CSTL1: variants seen among roughly 807,000 people sequenced by gnomAD.
CSTL1 encodes cystatin-like 1.
In CSTL1, 14 loss-of-function variants were observed where a neutral mutation model predicts 14.4. The ratio of observed to expected loss-of-function variants is 0.97; its 90% confidence interval spans 0.64 to 1.52. The LOEUF is 1.52. Among genes scored for constraint, CSTL1 ranks in the 40% most tolerant of loss-of-function variants. The pLI, the probability that CSTL1 is intolerant of heterozygous loss-of-function variation, is 0.00. For missense variants in CSTL1, 170 were observed against 168.7 expected (o/e 1.01, Z -0.04); for synonymous variants, 72 against 67.5 (o/e 1.07, Z -0.33).
At chr20:23,458,623 G>T in the CSTL1 span, 1 of 152,222 alleles carries the variant, frequency 6.6e-6, no homozygotes, top group Admixed American at 6.5e-5. Context: ...AATCAGGAGG[G>T]TGCCAGTCTC....
At chr20:23,445,918 C>T (rs1029021852), downstream of CSTL1, among the ~76,000 whole-genome samples, 4 of 152,120 alleles carry the variant, frequency 2.6e-5, no homozygotes, top group Admixed American at 6.5e-5. Context: ...CAGGAGCTTC[C>T]AGAGTTCTCT....
At chr20:23,457,643 T>A in the CSTL1 span, 3 of 152,130 alleles carry the variant, frequency 2.0e-5, no homozygotes, top group South Asian at 6.2e-4. Context: ...CTGTAACTGT[T>A]TGTGATCAAT....
At chr20:23,450,494 A>G in the CSTL1 span, 1 of 1,582,960 alleles carries the variant, frequency 6.3e-7, no homozygotes, top group Non-Finnish European at 8.6e-7. Context: ...GCAGTTGTAC[A>G]CTCCAGGACA....
the CSTL1 span, chr20:23,457,658 T>C: frequency 6.6e-6 from 1 of 152,148 alleles, no homozygotes; most frequent in Non-Finnish European, 1.5e-5. Context: ...ATCAATAAGT[T>C]GTAAATACCA....
At chr20:23,456,648 C>G in the CSTL1 span, among the ~76,000 whole-genome samples, 1 of 152,226 alleles carries the variant, frequency 6.6e-6, no homozygotes. Context: ...TAACTAGTTA[C>G]TAACAACAGT....
At chr20:23,440,626 C>T in intron 2 of CSTL1, 140 bp downstream of exon 2, 1 of 751,964 alleles carries the variant, frequency 1.3e-6, no homozygotes, top group Non-Finnish European at 2.4e-6. Flanking sequence ...TCACTTGTAG[C>T]AGGTACATTG....
chr20:23,449,617 T>C (rs1235020014), downstream of CSTL1, among the ~76,000 whole-genome samples: 1 of 152,128 alleles, frequency 6.6e-6, no homozygotes, highest in East Asian at 1.9e-4. Flanking sequence ...GTAAGCCCGG[T>C]GACATCATCT....
Position 23,440,484 on chromosome 20 carries a change from C to A in CSTL1, c.217C>A (p.Gln73Lys). Residue 73 changes from glutamine (Q) to lysine (K), a missense_variant and splice_region_variant, in exon 2 of 4, where the codon CAG (glutamine) becomes AAG (lysine). Physicochemically the swap from Gln to Lys is moderately conservative, Grantham distance 53. Coordinates refer to ENST00000347397, the MANE Select transcript of CSTL1 (RefSeq NM_138283.1). ...CCAGAGGCTAATTCGAAGTCAGATG[C>A]AGGTTTGTACCTTGCTCTCCCAAGA... Reference protein sequence around the residue: ...RVQRLIRSQMQLTTGVEYIVT... With the variant: ...RVQRLIRSQMKLTTGVEYIVT... 1 of 1,608,706 alleles carries A rather than the reference C, an allele frequency of 6.2e-7. No individual in the cohort carries two copies. The highest frequency in any genetic ancestry group is 8.5e-7 in the Non-Finnish European group (1 of 1,175,066).
Position 23,440,389 on chromosome 20 carries a change from T to C in CSTL1, c.122T>C (p.Met41Thr), listed in dbSNP as rs565594790. The change falls in exon 2 of 4, where the codon ATG becomes ACG. Residue 41 changes from methionine (M) to threonine (T), a missense_variant. Met to Thr is a moderately conservative substitution (Grantham distance 81). Coordinates refer to ENST00000347397, the MANE Select transcript of CSTL1 (RefSeq NM_138283.1). ...FQQKLMSKKN[M>T]NSTLNFFIQS... ...CAGAAGCTCATGAGCAAGAAGAACA[T>C]GAATTCAACACTCAACTTCTTCATT... 6.2e-7 allele frequency: 1 copy of C among 1,614,192 alleles called. No homozygotes were observed. Among genetic ancestry groups the C allele is most frequent in the South Asian group, 1.1e-5 (1 of 91,082 alleles).
At chr20:23,454,396 A>T in the CSTL1 span, among the ~76,000 whole-genome samples, 1 of 151,884 alleles carries the variant, frequency 6.6e-6, no homozygotes, top group African/African-American at 2.4e-5. Context: ...CACAACACAC[A>T]TAGACACACC....
the CSTL1 span, chr20:23,450,484 G>A: frequency 9.6e-5 from 146 of 1,528,504 alleles, no homozygotes; most frequent in African/African-American, 5.7e-4. Flanking sequence ...TGCAGTGGCC[G>A]CAGTTGTACA....
At chr20:23,455,114 G>T in the CSTL1 span, among the ~76,000 whole-genome samples, 1 of 152,194 alleles carries the variant, frequency 6.6e-6, no homozygotes, top group Non-Finnish European at 1.5e-5. Context: ...CAGCTCTGAG[G>T]ATGGGAGAGA....
chr20:23,443,920 C>T lies in CSTL1; in HGVS notation c.220-14C>T, dbSNP rs766652084. On this transcript the variant is annotated splice_polypyrimidine_tract_variant and intron_variant, in intron 2 of 3. Coordinates refer to ENST00000347397, the MANE Select transcript of CSTL1 (RefSeq NM_138283.1). ...CTTGGAGTCCACACTAACAGCACAA[C>T]TGATTCTCGGCAGCTGACGACGGGA... 5 of 1,601,938 alleles carry T rather than the reference C, an allele frequency of 3.1e-6. No individual in the cohort carries two copies. Among genetic ancestry groups the T allele is most frequent in the African/African-American group, 1.3e-5 (1 of 74,546 alleles).
downstream of CSTL1, among the ~76,000 whole-genome samples, chr20:23,449,906 C>A (rs1987039016): frequency 6.6e-6 from 1 of 152,218 alleles, no homozygotes; most frequent in South Asian, 2.1e-4. Flanking sequence ...GTTGCTCGTG[C>A]AAGGGGGCAG....
chr20:23,452,030 T>C, the CSTL1 span: 1 of 701,870 alleles, frequency 1.4e-6, no homozygotes, highest in Non-Finnish European at 2.5e-6. Flanking sequence ...GAGCTGGTCC[T>C]AGGCGGATTA....
the CSTL1 span, among the ~76,000 whole-genome samples, chr20:23,453,744 C>A: frequency 6.6e-6 from 1 of 152,184 alleles, no homozygotes; most frequent in Non-Finnish European, 1.5e-5. Flanking sequence ...CCTGGGCACA[C>A]CCAACGCCTG....
At position 23,444,416 on chromosome 20, in the gene CSTL1, C is replaced by T. The variant is rs6048798; in HGVS notation, c.331-355C>T. On this transcript the variant is annotated intron_variant, in intron 3 of 3. Coordinates refer to ENST00000347397, the MANE Select transcript of CSTL1 (RefSeq NM_138283.1). Reference sequence around the variant, plus strand: ...TATTTTTCCTGGTCCATGAGTGGCACCCCTTGAAAGCTGGCAGATACAAGG... The same window carrying T: ...TATTTTTCCTGGTCCATGAGTGGCATCCCTTGAAAGCTGGCAGATACAAGG... Among the ~76,000 whole-genome samples the T allele has an allele frequency of 6.3e-3, 957 of 152,364 alleles. 9 individuals carry two copies. The highest frequency in any genetic ancestry group is 0.021 in the African/African-American group (881 of 41,586).
the CSTL1 span, among the ~76,000 whole-genome samples, chr20:23,457,843 CT>C: frequency 6.6e-6 from 1 of 152,130 alleles, no homozygotes; most frequent in African/African-American, 2.4e-5. Flanking sequence ...CTGCAAATTC[CT>C]TTGAAAGTCC....
intron 2 of CSTL1, among the ~76,000 whole-genome samples, chr20:23,441,737 T>C (rs1986838009): frequency 6.6e-6 from 1 of 152,212 alleles, no homozygotes; most frequent in Non-Finnish European, 1.5e-5. Flanking sequence ...GATGCACGGT[T>C]GTTTGCATCC....
Sources: gnomAD v4.1 joint callset for allele counts (sites outside exome capture counted in the v4.1 genomes callset) on GRCh38, gnomAD v4.1.1 for gene constraint, MANE v1.5 for transcripts, NCBI Gene and HGNC (gene_info 2026-07-23, HGNC 2026-07-21) for gene names.